STPG2: variants seen among roughly 807,000 people sequenced by gnomAD.
The protein encoded by STPG2 is sperm tail PG-rich repeat containing 2, also known as sperm-tail PG-rich repeat-containing protein 2.
Under a neutral mutation model 54.2 loss-of-function variants are expected in STPG2, and 56 were observed. The ratio of observed to expected loss-of-function variants is 1.03; its 90% CI spans 0.83 to 1.29. The LOEUF (loss-of-function observed/expected upper bound fraction) is 1.29, where lower values mean the gene tolerates loss of function less well. Ranked by LOEUF, STPG2 falls within the 50% of genes most tolerant of loss-of-function variation. The pLI is 0.00. For missense variants in STPG2, 596 were observed against 544.9 expected (o/e 1.09, Z -0.93); for synonymous variants, 200 against 181.8 (o/e 1.10, Z -0.81).
intron 10 of STPG2, among the ~76,000 whole-genome samples, chr4:97,654,710 A>T (rs1198575202): frequency 6.6e-6 from 1 of 152,064 alleles, no homozygotes; most frequent in African/African-American, 2.4e-5. Flanking sequence ...CCAGAACACA[A>T]CAGGCAGTCA....
At chr4:97,745,244 T>TA (rs747883049) in intron 9 of STPG2, among the ~76,000 whole-genome samples, 117,306 of 141,646 alleles carry the variant, frequency 0.83, 48,272 homozygotes, top group Middle Eastern at 0.94. Context: ...GGCATAAAAC[T>TA]AAAAAAAAAA....
chr4:97,499,564 A>G (rs1730681592), intron 4 of STPG2, among the ~76,000 whole-genome samples: 1 of 152,066 alleles, frequency 6.6e-6, no homozygotes, highest in African/African-American at 2.4e-5. Context: ...TAAATTTTAT[A>G]TTCAATATTC....
chr4:97,570,581 C>T (rs1373655780), intron 10 of STPG2, among the ~76,000 whole-genome samples: 2 of 151,676 alleles, frequency 1.3e-5, no homozygotes, highest in African/African-American at 4.8e-5. Context: ...TTTCCTGCCC[C>T]CACTCCCACT....
At chr4:97,799,276 A>C (rs1419818142) in intron 9 of STPG2, among the ~76,000 whole-genome samples, 2 of 152,292 alleles carry the variant, frequency 1.3e-5, no homozygotes, top group East Asian at 1.9e-4. Flanking sequence ...TCTTCCTAGC[A>C]TCGATGGTCT....
rs761562487 is a variant in STPG2 at position 98,143,087 on chromosome 4, C to A, written c.64G>T (p.Gly22Cys). The change falls in exon 1 of 11, where the codon GGT (glycine) becomes TGT (cysteine). Residue 22 changes from glycine (G) to cysteine (C), a missense_variant. Transcript: ENST00000295268. The stretch of plus-strand genomic sequence containing the variant: ...AAAGGTACCTGGTAGGATCCAGGAC[C>A]CACATGGGCCTCAGTGCTGCCACCT... ...AEGGSTEAHV[G>C]PGSYQVPFLK... 1.9e-6 allele frequency: 3 copies of A among 1,613,938 alleles called. No individual in the cohort carries two copies. The South Asian group carries it at 3.3e-5, about 18-fold the overall frequency.
At chr4:97,609,883 A>G (rs1309421475) in intron 10 of STPG2, among the ~76,000 whole-genome samples, 1 of 151,886 alleles carries the variant, frequency 6.6e-6, no homozygotes, top group Non-Finnish European at 1.5e-5. Flanking sequence ...GATCATATAT[A>G]CATTTTTATC....
chr4:97,743,243 A>C, intron 9 of STPG2, among the ~76,000 whole-genome samples: 1 of 151,638 alleles, frequency 6.6e-6, no homozygotes, highest in East Asian at 1.9e-4. Context: ...GTTGCCCAAT[A>C]GGTTAGTTTA....
At chr4:97,596,928 GA>G (rs1018752337) in intron 10 of STPG2, among the ~76,000 whole-genome samples, 1 of 147,708 alleles carries the variant, frequency 6.8e-6, no homozygotes, top group Non-Finnish European at 1.5e-5. Flanking sequence ...GAGCTGAACT[GA>G]AAAAAAAATG....
Position 97,677,812 on chromosome 4 carries a change from C to T in STPG2, c.1320+34887G>A, listed in dbSNP as rs148455975. On this transcript the variant is annotated intron_variant, in intron 10 of 10. Transcript: ENST00000295268. ...TGACTTCATGGAGCCTCCATATGAG[C>T]CTTAAGCTCCCTACCTCTTGTTACA... Among the ~76,000 whole-genome samples, 422 of 152,184 alleles carry T rather than the reference C, an allele frequency of 2.8e-3. 3 individuals carry two copies. The highest frequency in any genetic ancestry group is 9.3e-3 in the African/African-American group (386 of 41,534).
chr4:97,861,776 T>A (rs1477933071), intron 8 of STPG2, among the ~76,000 whole-genome samples: 1 of 152,120 alleles, frequency 6.6e-6, no homozygotes, highest in Non-Finnish European at 1.5e-5. Flanking sequence ...TTCAACGTTC[T>A]TAAAGAGAAG....
intron 1 of STPG2, 140 bp downstream of exon 1, chr4:98,142,902 T>C (rs1740338246): frequency 2.7e-6 from 2 of 751,360 alleles, no homozygotes; most frequent in Non-Finnish European, 4.7e-6. Flanking sequence ...AGTATAGTGT[T>C]TTCCCTGCCT....
chr4:97,669,371 G>C (rs1467900802), intron 10 of STPG2, among the ~76,000 whole-genome samples: 2 of 152,152 alleles, frequency 1.3e-5, no homozygotes, highest in South Asian at 4.1e-4. Context: ...ACACAATCTT[G>C]CAGAATCAAA....
At chr4:97,937,829 G>A (rs1055069228) in intron 8 of STPG2, among the ~76,000 whole-genome samples, 1 of 152,316 alleles carries the variant, frequency 6.6e-6, no homozygotes, top group East Asian at 1.9e-4. Context: ...TATGGTGTCT[G>A]CTGACCCCTG....
chr4:97,687,913 A>G (rs1259909410), intron 10 of STPG2, among the ~76,000 whole-genome samples: 1 of 152,190 alleles, frequency 6.6e-6, no homozygotes, highest in Non-Finnish European at 1.5e-5. Context: ...ATTAGAGAGT[A>G]TATTAAAGGA....
chr4:97,858,044 T>G (rs578145792), intron 8 of STPG2, among the ~76,000 whole-genome samples: 2 of 152,106 alleles, frequency 1.3e-5, no homozygotes, highest in African/African-American at 4.8e-5. Context: ...ACCTCCAAGA[T>G]CTATAAAATA....
chr4:97,503,232 T>C (rs1181075549), intron 4 of STPG2, among the ~76,000 whole-genome samples: 1 of 151,942 alleles, frequency 6.6e-6, no homozygotes, highest in African/African-American at 2.4e-5. Flanking sequence ...TATTCAAACA[T>C]TGGTAGCTTA....
At chr4:97,533,930 A>G (rs1731471307) in intron 4 of STPG2, among the ~76,000 whole-genome samples, 1 of 152,134 alleles carries the variant, frequency 6.6e-6, no homozygotes, top group Admixed American at 6.5e-5. Flanking sequence ...ATGACTTGAA[A>G]TGCAATTGTT....
intron 4 of STPG2, among the ~76,000 whole-genome samples, chr4:97,534,763 C>G (rs1387267316): frequency 6.6e-6 from 1 of 152,100 alleles, no homozygotes; most frequent in Non-Finnish European, 1.5e-5. Context: ...AATCTTGTGT[C>G]CTTTTACAAA....
At chr4:98,021,158 T>A (rs1161937434) in intron 5 of STPG2, among the ~76,000 whole-genome samples, 4 of 147,250 alleles carry the variant, frequency 2.7e-5, no homozygotes. Context: ...GGGCATTTAG[T>A]GCTATAAATT....
Sources: gnomAD v4.1 joint callset for allele counts (sites outside exome capture counted in the v4.1 genomes callset) on GRCh38, gnomAD v4.1.1 for gene constraint, MANE v1.5 for transcripts, NCBI Gene and HGNC (gene_info 2026-07-23, HGNC 2026-07-21) for gene names.